CNOT1: variants seen among roughly 807,000 people sequenced by gnomAD.
CNOT1 encodes the protein CCR4-NOT transcription complex subunit 1.
In CNOT1, 15 loss-of-function variants were observed where a neutral mutation model predicts 273.8. The ratio of observed to expected loss-of-function variants is 0.05; its 90% CI spans 0.04 to 0.08. The LOEUF is 0.08. Ranked by LOEUF, CNOT1 falls within the 10% of genes least tolerant of loss-of-function variation. CNOT1 has a pLI of 1.00. For synonymous variants in CNOT1, 1,022 were observed against 1,005.5 expected (o/e 1.02, Z -0.31); for missense variants, 1,644 against 2,912.2 (o/e 0.56, Z 10.02).
At chr16:58,535,638 A>G (rs1480785111) in intron 39 of CNOT1, among the ~76,000 whole-genome samples, 2 of 152,180 alleles carry the variant, frequency 1.3e-5, no homozygotes, top group African/African-American at 2.4e-5. Context: ...TCAGTAGGGT[A>G]TGCTTTGTAA....
chr16:58,586,774 G>T lies in CNOT1; in HGVS notation c.434-26C>A, dbSNP rs751989823. The T allele has an allele frequency of 2.5e-6, 4 of 1,608,296 alleles. No homozygotes were observed. The African/African-American group carries it at 4.0e-5, about 16-fold the overall frequency. On this transcript the variant is annotated intron_variant, in intron 6 of 48. Transcript: ENST00000317147. The stretch of plus-strand genomic sequence containing the variant: ...CTAGAAGTCAGGTAAACCAAAAACC[G>T]CAAGTTACTTTTGCACCACAATGGG...
chr16:58,555,048 A>G (rs1481734636), intron 21 of CNOT1, among the ~76,000 whole-genome samples: 2 of 151,916 alleles, frequency 1.3e-5, no homozygotes, highest in Admixed American at 1.3e-4. Flanking sequence ...CTGTCTGTAC[A>G]AAAATTACAA....
chr16:58,526,550 G>A (rs968457264), intron 44 of CNOT1, among the ~76,000 whole-genome samples: 1 of 147,570 alleles, frequency 6.8e-6, no homozygotes, highest in Non-Finnish European at 1.5e-5. Flanking sequence ...GAAGCCGGGC[G>A]CAGTGGCTCA....
At chr16:58,590,843 A>G (rs1182028820) in intron 2 of CNOT1, among the ~76,000 whole-genome samples, 1 of 152,252 alleles carries the variant, frequency 6.6e-6, no homozygotes, top group Non-Finnish European at 1.5e-5. Context: ...AAAAAATACA[A>G]TAATCTGGTT....
rs1483047998 is a variant in CNOT1, at chr16:58,616,108, CTT to C, written c.-175+13618_-175+13619del. 2.4e-5 allele frequency among the ~76,000 whole-genome samples: 3 copies of C among 124,270 alleles called. 1 individual carries two copies. Among genetic ancestry groups the C allele is most frequent in the African/African-American group, 5.4e-5 (2 of 36,952 alleles). The allele number at this position is 124,270 out of a possible 152,430, so 81.5% of individuals were successfully genotyped here. A position where few individuals can be genotyped will look rare whatever the true frequency, so the allele number is the denominator to read the frequency against. On this transcript the variant is annotated intron_variant, in intron 1 of 48. Transcript: ENST00000317147. ...TAAAAAGTAAGAAATTGCAATAACT[CTT>C]TTTGTTAGTTTTTTCAGACGGAGTC...
In CNOT1 at chr16:58,525,279, C is replaced by T. The variant is rs746587451; in HGVS notation, c.6684G>A (p.Ala2228=). ...LVLYVGTQAI[A]HIHNKGSTPS... ...GTGTGCTGCCCTTGTTGTGGATGTG[C>T]GCAATGGCCTGAGTCCCGACATAGA... Residue 2228 remains alanine (A), a synonymous_variant, in exon 46 of 49, where the codon GCG becomes GCA. Coordinates refer to ENST00000317147, the MANE Select transcript of CNOT1 (RefSeq NM_016284.5). The T allele has an allele frequency of 1.8e-5, 29 of 1,613,778 alleles. No homozygotes were observed. The African/African-American group carries it at 2.5e-4, about 14-fold the overall frequency.
At chr16:58,623,304 T>C (rs2043427736) in intron 1 of CNOT1, 2 of 152,248 alleles carry the variant, frequency 1.3e-5, no homozygotes, top group African/African-American at 4.8e-5. Context: ...TCCCATTTCC[T>C]GGCATACAAC....
At chr16:58,598,837 C>G (rs568972004) in intron 2 of CNOT1, among the ~76,000 whole-genome samples, 7 of 152,052 alleles carry the variant, frequency 4.6e-5, no homozygotes, top group African/African-American at 4.8e-5. Flanking sequence ...CAAGGCGGAT[C>G]ACTTGAGGTT....
intron 1 of CNOT1, among the ~76,000 whole-genome samples, chr16:58,608,062 C>T (rs1025771988): frequency 6.6e-6 from 1 of 151,604 alleles, no homozygotes. Flanking sequence ...TGTAGTCCCA[C>T]CTACTCAGGA....
intron 1 of CNOT1, among the ~76,000 whole-genome samples, chr16:58,627,057 C>T (rs934265073): frequency 2.0e-5 from 3 of 151,912 alleles, no homozygotes; most frequent in African/African-American, 7.3e-5. Flanking sequence ...GTACCAAAGA[C>T]GTGTTTGTTA....
chr16:58,581,584 C>A, intron 10 of CNOT1, 69 bp from the exon 11 acceptor site: 1 of 1,449,396 alleles, frequency 6.9e-7, no homozygotes, highest in Non-Finnish European at 9.1e-7. Flanking sequence ...TCCAAAAGGC[C>A]AAATTAAATC....
intron 14 of CNOT1, 38 bp from the exon 15 acceptor site, chr16:58,575,167 A>G: frequency 6.3e-7 from 1 of 1,597,644 alleles, no homozygotes; most frequent in Non-Finnish European, 8.5e-7. Context: ...CAAATGGAGC[A>G]ATTAAGTAAC....
chr16:58,523,231 C>G (rs923607724), intron 47 of CNOT1, 139 bp downstream of exon 47: 1 of 820,762 alleles, frequency 1.2e-6, no homozygotes, highest in Non-Finnish European at 1.8e-6. Flanking sequence ...AGTGACAGAG[C>G]AACACTCCGT....
At chr16:58,528,770 A>T (rs2039680952) in intron 43 of CNOT1, 122 bp from the exon 44 acceptor site, 2 of 616,662 alleles carry the variant, frequency 3.2e-6, no homozygotes, top group South Asian at 5.0e-5. Flanking sequence ...AACATTTCTT[A>T]AAAAGTTTTA....
chr16:58,587,730 T>C, intron 4 of CNOT1, 50 bp downstream of exon 4: 1 of 1,568,546 alleles, frequency 6.4e-7, no homozygotes, highest in Non-Finnish European at 8.6e-7. Flanking sequence ...AGGGACTTTT[T>C]AGAAAGCCTA....
In CNOT1 at chr16:58,555,894, C is replaced by G; in HGVS notation, c.2494G>C (p.Val832Leu). ...SKMKPSDLSQVWPEANQHFSK... is the reference protein window; with the variant it reads ...SKMKPSDLSQLWPEANQHFSK... ...AAGTGCTGGTTTGCCTCTGGCCACA[C>G]CTGAGACAAGTCCGCTGTTGGAAAC... Residue 832 changes from valine to leucine, a missense_variant, in exon 20 of 49, where the codon GTG becomes CTG. Transcript: ENST00000317147. 1 of 1,612,916 alleles carries G rather than the reference C, an allele frequency of 6.2e-7. No individual in the cohort carries two copies. Among genetic ancestry groups the G allele is most frequent in the Non-Finnish European group, 8.5e-7 (1 of 1,179,992 alleles).
chr16:58,529,982 G>A (rs1179752302), intron 43 of CNOT1, among the ~76,000 whole-genome samples: 1 of 152,028 alleles, frequency 6.6e-6, no homozygotes, highest in Non-Finnish European at 1.5e-5. Context: ...GAAGATGGGG[G>A]AAAACCAGTA....
chr16:58,602,411 G>C (rs893139918), intron 1 of CNOT1, among the ~76,000 whole-genome samples: 1 of 151,764 alleles, frequency 6.6e-6, no homozygotes, highest in African/African-American at 2.4e-5. Flanking sequence ...CTGTAGGCCG[G>C]GTGTGGTGGT....
Position 58,616,003 on chromosome 16 carries a change from T to C in CNOT1, c.-175+13725A>G, listed in dbSNP as rs1235592342. Among the ~76,000 whole-genome samples, 7 of 122,384 alleles carry C rather than the reference T, an allele frequency of 5.7e-5. 1 individual carries two copies. The highest frequency in any genetic ancestry group is 5.7e-4 in the Admixed American group (7 of 12,298). The allele number at this position is 122,384 out of a possible 152,430, so 80.3% of individuals were successfully genotyped here. On this transcript the variant is annotated intron_variant, in intron 1 of 48. Transcript: ENST00000317147. Reference sequence around the variant, plus strand: ...TAGAGAGGCTGAAGGGGGAGGACTGTCTGAGCCCAAGTGAGCTATGATCAG... The same window carrying C: ...TAGAGAGGCTGAAGGGGGAGGACTGCCTGAGCCCAAGTGAGCTATGATCAG...
Sources: gnomAD v4.1 joint callset for allele counts (sites outside exome capture counted in the v4.1 genomes callset) on GRCh38, gnomAD v4.1.1 for gene constraint, MANE v1.5 for transcripts, NCBI Gene and HGNC (gene_info 2026-07-23, HGNC 2026-07-21) for gene names.